PHEX: variants seen among roughly 807,000 people sequenced by gnomAD.
PHEX encodes phosphate-regulating neutral endopeptidase PHEX.
In PHEX, 16 loss-of-function variants were observed where a neutral mutation model predicts 68.0. The ratio of observed to expected loss-of-function variants is 0.24; its 90% CI spans 0.16 to 0.36. PHEX has a LOEUF of 0.36. Among genes scored for constraint, PHEX ranks in the 10% least tolerant of loss-of-function variants. The probability of loss-of-function intolerance (pLI) is 1.00; values close to 1 mark genes in which losing one functional copy is unlikely to be tolerated. For synonymous variants in PHEX, 208 were observed against 205.1 expected (o/e 1.01, Z -0.12); for missense variants, 480 against 575.5 (o/e 0.83, Z 1.70).
intron 10 of PHEX, 116 bp downstream of exon 10, chrX:22,111,676 T>C: frequency 3.5e-6 from 2 of 577,298 alleles, no homozygotes; most frequent in Non-Finnish European, 6.0e-6. Context: ...GGGGAGTTTG[T>C]AGCCCAAGCT....
chrX:22,059,455 G>A (rs1928263536), intron 3 of PHEX, among the ~76,000 whole-genome samples: 1 of 112,189 alleles, frequency 8.9e-6, no homozygotes, highest in Non-Finnish European at 1.9e-5. Context: ...GGTATTTAAT[G>A]AATTAATCAA....
intron 11 of PHEX, among the ~76,000 whole-genome samples, chrX:22,127,097 C>T (rs1381232408): frequency 1.8e-5 from 2 of 109,515 alleles, no homozygotes; most frequent in Non-Finnish European, 3.8e-5. Flanking sequence ...GTCTTGAGCT[C>T]CTGACCTCAG....
intron 15 of PHEX, among the ~76,000 whole-genome samples, chrX:22,192,442 T>C (rs771046221): frequency 1.8e-5 from 2 of 111,639 alleles, no homozygotes; most frequent in East Asian, 5.6e-4. Flanking sequence ...ACTTCTTTGC[T>C]CAAAAGCTTT....
intron 2 of PHEX, among the ~76,000 whole-genome samples, chrX:22,045,499 C>T (rs1239354369): frequency 8.9e-6 from 1 of 112,077 alleles, no homozygotes; most frequent in Non-Finnish European, 1.9e-5. Flanking sequence ...TGGGAATTCT[C>T]ATTTTGTAAT....
Position 22,212,886 on chromosome X carries a change from A to G in PHEX, c.1646-18A>G. 1 of 1,173,416 alleles carries G rather than the reference A, an allele frequency of 8.5e-7. No homozygotes were observed. Among genetic ancestry groups the G allele is most frequent in the Non-Finnish European group, 1.2e-6 (1 of 861,054 alleles). On this transcript the variant is annotated intron_variant, in intron 15 of 21. Transcript: ENST00000379374. ...AATCAATCTCTCTATATCTCTTAAC[A>G]TTTTTTCCTTCTCATAGGATTTCCA...
intron 7 of PHEX, among the ~76,000 whole-genome samples, chrX:22,094,555 C>T (rs764127627): frequency 2.3e-4 from 26 of 112,480 alleles, no homozygotes; most frequent in African/African-American, 8.4e-4. Context: ...GTTCTGGGCT[C>T]AGGGAAATCT....
rs35691469 is a variant in PHEX at position 22,126,864 on chromosome X, GTT to G, written c.1303-6635_1303-6634del. Among the ~76,000 whole-genome samples, 515 of 54,488 alleles carry G rather than the reference GTT, an allele frequency of 9.5e-3. 8 individuals carry two copies. The highest frequency in any genetic ancestry group is 0.038 in the African/African-American group (491 of 12,896). The allele number at this position is 54,488 out of a possible 115,157, so 47.3% of individuals were successfully genotyped here. On this transcript the variant is annotated intron_variant, in intron 11 of 21. Coordinates refer to ENST00000379374, the MANE Select transcript of PHEX (RefSeq NM_000444.6). ...TGGATCCATAAAATCTGAAATAGTT[GTT>G]TTTTTTTTTTTTTTTTTTTTTTTGA...
Position 22,178,273 on chromosome X carries a change from A to G in PHEX, c.1483A>G (p.Ile495Val), listed in dbSNP as rs1271290786. The G allele has an allele frequency of 1.7e-6, 2 of 1,168,074 alleles. No individual in the cohort carries two copies. The highest frequency in any genetic ancestry group is 4.4e-5 in the Admixed American group (2 of 45,711). The change falls in exon 14 of 22, where the codon ATC (isoleucine) becomes GTC (valine). Residue 495 changes from isoleucine (I) to valine (V), a missense_variant and splice_region_variant. Physicochemically the swap from Ile to Val is conservative, Grantham distance 29. Transcript: ENST00000379374. The stretch of plus-strand genomic sequence containing the variant: ...TGATGTTGTGGTTTGTTTTATTCAG[A>G]TCAAGTTTTCAGAAGCCGACTACTT... Reference protein sequence around the residue: ...DTHVNEDLKAIKFSEADYFGN... With the variant: ...DTHVNEDLKAVKFSEADYFGN...
chrX:22,165,938 G>T (rs1933299973), intron 12 of PHEX, among the ~76,000 whole-genome samples: 2 of 112,219 alleles, frequency 1.8e-5, no homozygotes, highest in South Asian at 7.4e-4. Flanking sequence ...TAGTTGACAG[G>T]TAAACAAATG....
At chrX:22,213,906 A>G (rs1178618530) in intron 16 of PHEX, among the ~76,000 whole-genome samples, 2 of 112,368 alleles carry the variant, frequency 1.8e-5, no homozygotes, top group Admixed American at 9.4e-5. Context: ...TTCAAGTGCA[A>G]TTAGTTCTTT....
At chrX:22,240,728 C>A (rs1444876433) in intron 20 of PHEX, among the ~76,000 whole-genome samples, 2 of 111,819 alleles carry the variant, frequency 1.8e-5, no homozygotes, top group Non-Finnish European at 3.8e-5. Context: ...AATATATATG[C>A]ACCCAATACA....
chrX:22,213,468 T>G (rs1011475757), intron 16 of PHEX, among the ~76,000 whole-genome samples: 1 of 112,107 alleles, frequency 8.9e-6, no homozygotes, highest in African/African-American at 3.2e-5. Flanking sequence ...AATATTGAAC[T>G]TTTTGAGCAA....
At chrX:22,071,140 A>G (rs1928882813) in intron 3 of PHEX, among the ~76,000 whole-genome samples, 2 of 111,677 alleles carry the variant, frequency 1.8e-5, no homozygotes, top group African/African-American at 6.5e-5. Context: ...GTGAGGATTG[A>G]TAGTCCTCTC....
In PHEX at chrX:22,090,437, A is replaced by T; in HGVS notation, c.672A>T (p.Gln224His). 2 of 1,208,741 alleles carry T rather than the reference A, an allele frequency of 1.7e-6. No individual in the cohort carries two copies. The highest frequency in any genetic ancestry group is 2.3e-4 in the Middle Eastern group (1 of 4,346). ...TGTTTTTGTTTTTACAGCTGGACCA[A>T]GCAACACTCTCCCTGGCCGTGAGGG... ...ASNEHILKLDQATLSLAVRED... is the reference protein window; with the variant it reads ...ASNEHILKLDHATLSLAVRED... The change falls in exon 6 of 22, where the codon CAA becomes CAT. Residue 224 changes from glutamine to histidine, a missense_variant. By Grantham distance (24) the Gln-to-His change is conservative (BLOSUM62 0). Coordinates refer to ENST00000379374, the MANE Select transcript of PHEX (RefSeq NM_000444.6).
chrX:22,080,020 G>A (rs1929320342), intron 5 of PHEX, among the ~76,000 whole-genome samples: 1 of 110,951 alleles, frequency 9.0e-6, no homozygotes. Flanking sequence ...GCTAAAAGTG[G>A]GGCAACCAGA....
At chrX:22,053,915 G>A (rs184189318) in intron 3 of PHEX, among the ~76,000 whole-genome samples, 145 of 111,253 alleles carry the variant, frequency 1.3e-3, no homozygotes, top group Middle Eastern at 4.6e-3. Context: ...AATAGTTCTC[G>A]TAATTAAACA....
chrX:22,221,930 C>T (rs1935283435), intron 18 of PHEX, among the ~76,000 whole-genome samples, 187 bp downstream of exon 18: 1 of 112,225 alleles, frequency 8.9e-6, no homozygotes, highest in Non-Finnish European at 1.9e-5. Flanking sequence ...GGGGCCTGGT[C>T]ATCCCTTAAC....
intron 9 of PHEX, among the ~76,000 whole-genome samples, chrX:22,100,400 C>A (rs1254822258): frequency 8.9e-6 from 1 of 112,018 alleles, no homozygotes; most frequent in African/African-American, 3.2e-5. Context: ...TTTGTAAGTA[C>A]TTCCTAGCTC....
chrX:22,185,756 G>GTTTTTTTTTTTTTTT lies in PHEX; in HGVS notation c.1587-4685_1587-4671dup, dbSNP rs3085228. 5.2e-3 allele frequency among the ~76,000 whole-genome samples: 456 copies of GTTTTTTTTTTTTTTT among 87,687 alleles called. 33 individuals carry two copies. Among genetic ancestry groups the GTTTTTTTTTTTTTTT allele is most frequent in the African/African-American group, 0.021 (419 of 19,873 alleles). The allele number at this position is 87,687 out of a possible 115,157, so 76.1% of individuals were successfully genotyped here. A position where few individuals can be genotyped will look rare whatever the true frequency, so the allele number is the denominator to read the frequency against. The stretch of plus-strand genomic sequence containing the variant: ...CTCAGCTGCATGGTTCTCGTTTGTG[G>GTTTTTTTTTTTTTTT]TTTTTTTTTTTTTTTTTGGACACAG... On this transcript the variant is annotated intron_variant, in intron 14 of 21. Coordinates refer to ENST00000379374, the MANE Select transcript of PHEX (RefSeq NM_000444.6).
Sources: gnomAD v4.1 joint callset for allele counts (sites outside exome capture counted in the v4.1 genomes callset) on GRCh38, gnomAD v4.1.1 for gene constraint, MANE v1.5 for transcripts, NCBI Gene and HGNC (gene_info 2026-07-23, HGNC 2026-07-21) for gene names.